The following CBL variants were observed in gnomAD, a reference collection of about 807,000 sequenced individuals.
CBL encodes E3 ubiquitin-protein ligase CBL.
A neutral mutation model predicts 96.9 loss-of-function variants in CBL; 45 were observed. The observed-to-expected ratio is 0.46, with a 90% confidence interval of 0.37 to 0.60. CBL has a LOEUF of 0.60. CBL is among the 20% of genes least tolerant of loss of function. The pLI is 0.00. For missense variants in CBL, 1,024 were observed against 1,143.5 expected (o/e 0.90, Z 1.51); for synonymous variants, 420 against 426.8 (o/e 0.98, Z 0.20).
intron 9 of CBL, among the ~76,000 whole-genome samples, chr11:119,281,824 C>T (rs1949936856): frequency 6.6e-6 from 1 of 152,098 alleles, no homozygotes; most frequent in Admixed American, 6.5e-5. Flanking sequence ...ATATTTTCCT[C>T]ATCCTTGATT....
chr11:119,221,692 C>T (rs540156732), intron 1 of CBL, among the ~76,000 whole-genome samples: 11 of 148,138 alleles, frequency 7.4e-5, no homozygotes, highest in South Asian at 2.3e-4. Flanking sequence ...TGCTTGAACC[C>T]GGGAGGCGGA....
At chr11:119,252,153 C>T (rs1436648006) in intron 2 of CBL, among the ~76,000 whole-genome samples, 1 of 151,552 alleles carries the variant, frequency 6.6e-6, no homozygotes, top group Admixed American at 6.6e-5. Context: ...AAAAAAAAAC[C>T]TTTTGTTAAC....
intron 1 of CBL, among the ~76,000 whole-genome samples, chr11:119,226,996 A>T (rs1234043433): frequency 6.6e-6 from 1 of 152,024 alleles, no homozygotes; most frequent in South Asian, 2.1e-4. Context: ...TCAACCACTT[A>T]CCACTTTAAG....
chr11:119,265,479 A>G (rs1362504551), intron 2 of CBL, among the ~76,000 whole-genome samples: 3 of 152,274 alleles, frequency 2.0e-5, no homozygotes, highest in African/African-American at 7.2e-5. Context: ...AAATTCATTT[A>G]AATTATCTGC....
chr11:119,262,216 A>G (rs976122069), intron 2 of CBL, among the ~76,000 whole-genome samples: 8 of 152,238 alleles, frequency 5.3e-5, no homozygotes, highest in Admixed American at 3.9e-4. Flanking sequence ...CCTTTAAAAT[A>G]CTTGAACAGC....
intron 1 of CBL, 83 bp from the exon 2 acceptor site, chr11:119,232,365 A>G: frequency 6.8e-7 from 1 of 1,478,536 alleles, no homozygotes; most frequent in Non-Finnish European, 9.3e-7. Flanking sequence ...AAGAGCACAT[A>G]TTTCATAACT....
At position 119,298,540 on chromosome 11, in the gene CBL, A is replaced by G. The variant is rs907398440; in HGVS notation, c.2434A>G (p.Asn812Asp). The change falls in exon 15 of 16, where the codon AAT becomes GAT. Residue 812 changes from asparagine (N) to aspartate (D), a missense_variant and splice_region_variant. Coordinates refer to ENST00000264033, the MANE Select transcript of CBL (RefSeq NM_005188.4). ...GTCTCTGGATGGTGATCCTACAACA[A>G]GTGAGTCTCCAGACTACTTTGGGTT... is the stretch of plus-strand genomic sequence containing the variant. ...WLSLDGDPTT[N>D]VTEGSQVPER... The G allele has an allele frequency of 5.6e-6, 9 of 1,614,026 alleles. No homozygotes were observed. Among genetic ancestry groups the G allele is most frequent in the Non-Finnish European group, 7.6e-6 (9 of 1,179,848 alleles).
chr11:119,275,253 A>G (rs886787528), intron 5 of CBL, among the ~76,000 whole-genome samples: 2 of 151,994 alleles, frequency 1.3e-5, no homozygotes, highest in African/African-American at 2.4e-5. Context: ...AGCCTGGCCA[A>G]AGTGGTAAAA....
At chr11:119,278,812 T>C in intron 9 of CBL, 99 bp downstream of exon 9, 1 of 866,996 alleles carries the variant, frequency 1.2e-6, no homozygotes, top group Non-Finnish European at 1.9e-6. Flanking sequence ...ATAGGTAGTA[T>C]TAATAGCTAA....
intron 12 of CBL, 144 bp downstream of exon 12, chr11:119,288,090 T>C (rs1237560824): frequency 4.5e-5 from 30 of 669,470 alleles, no homozygotes; most frequent in East Asian, 4.3e-4. Flanking sequence ...TTTTATGTTT[T>C]AGAGTATTTC....
chr11:119,252,356 A>G (rs770217516), intron 2 of CBL, among the ~76,000 whole-genome samples: 8 of 152,074 alleles, frequency 5.3e-5, no homozygotes, highest in African/African-American at 1.7e-4. Context: ...AATCAGTTGA[A>G]TATTTTCTTT....
At chr11:119,241,963 C>T (rs1443451524) in intron 2 of CBL, among the ~76,000 whole-genome samples, 1 of 152,100 alleles carries the variant, frequency 6.6e-6, no homozygotes, top group Non-Finnish European at 1.5e-5. Context: ...AATGGGAAGC[C>T]ACTGAACTTT....
chr11:119,215,207 T>C lies in CBL; in HGVS notation c.195+8595T>C, dbSNP rs980464308. Among the ~76,000 whole-genome samples, 10 of 152,118 alleles carry C rather than the reference T, an allele frequency of 6.6e-5. 1 individual carries two copies. Among genetic ancestry groups the C allele is most frequent in the Admixed American group, 5.2e-4 (8 of 15,250 alleles). On this transcript the variant is annotated intron_variant, in intron 1 of 15. Coordinates refer to ENST00000264033, the MANE Select transcript of CBL (RefSeq NM_005188.4). ...GGTTGAAGTTTTTGCTGACTCTTGA[T>C]ATAGGAAAAACCTATTTTTAGTATG...
At chr11:119,224,405 G>GC (rs1012505964) in intron 1 of CBL, among the ~76,000 whole-genome samples, 2 of 151,744 alleles carry the variant, frequency 1.3e-5, no homozygotes, top group African/African-American at 4.8e-5. Context: ...TCCAGCCACT[G>GC]CCCCCCATTG....
chr11:119,304,836 G>C lies in CBL; in HGVS notation c.*5055G>C. 1 of 187,902 alleles carries C rather than the reference G, an allele frequency of 5.3e-6. No homozygotes were observed. Among genetic ancestry groups the C allele is most frequent in the Non-Finnish European group, 1.1e-5 (1 of 89,130 alleles). 11.6% of individuals were successfully genotyped at this position (187,902 alleles called of 1,614,324 possible). ...AGACAGGGTTTCACCGTCTTGGCTA[G>C]GCTGGTCTTGAACTCCTGACCCTCA... is the stretch of plus-strand genomic sequence containing the variant. On this transcript the variant is annotated 3_prime_UTR_variant, in exon 16 of 16. Coordinates refer to ENST00000264033, the MANE Select transcript of CBL (RefSeq NM_005188.4).
intron 1 of CBL, among the ~76,000 whole-genome samples, chr11:119,224,663 T>A (rs1397745413): frequency 6.6e-6 from 1 of 152,158 alleles, no homozygotes; most frequent in Non-Finnish European, 1.5e-5. Context: ...TGACCTTGGC[T>A]CACTGCAACC....
chr11:119,225,520 TC>T (rs933364238), intron 1 of CBL, among the ~76,000 whole-genome samples: 3 of 152,046 alleles, frequency 2.0e-5, no homozygotes, highest in African/African-American at 7.2e-5. Flanking sequence ...CACCTCAGCA[TC>T]CCAAGTAGTT....
intron 1 of CBL, among the ~76,000 whole-genome samples, chr11:119,227,518 G>A (rs1228535715): frequency 6.6e-6 from 1 of 151,334 alleles, no homozygotes; most frequent in Non-Finnish European, 1.5e-5. Flanking sequence ...TATCATATTA[G>A]CCTATTTTAA....
At chr11:119,210,603 AT>A (rs768564444) in intron 1 of CBL, among the ~76,000 whole-genome samples, 353 of 98,644 alleles carry the variant, frequency 3.6e-3, no homozygotes, top group African/African-American at 4.0e-3. Context: ...TAATTTTTCA[AT>A]TTTTTTTTTT....
Sources: allele counts gnomAD v4.1 joint callset (sites outside exome capture counted in the v4.1 genomes callset), GRCh38; gene constraint gnomAD v4.1.1; transcripts MANE v1.5; gene names NCBI Gene and HGNC (gene_info 2026-07-23, HGNC 2026-07-21).